The following ITPR2 variants were observed in gnomAD, a reference collection of about 807,000 sequenced individuals.
ITPR2 encodes the protein inositol 1,4,5-trisphosphate receptor type 2.
Under a neutral mutation model 317.1 loss-of-function variants are expected in ITPR2, and 207 were observed. That is an observed-to-expected ratio of 0.65 (90% CI 0.58 to 0.73). The LOEUF (loss-of-function observed/expected upper bound fraction) is 0.73. ITPR2 is among the 30% of genes least tolerant of loss of function. The pLI, the probability that ITPR2 is intolerant of heterozygous loss-of-function variation, is 0.00. For synonymous variants in ITPR2, 1,156 were observed against 1,149.1 expected (o/e 1.01, Z -0.12); for missense variants, 2,613 against 3,284.0 (o/e 0.80, Z 4.99).
chr12:26,644,305 G>C (rs1023346117), intron 21 of ITPR2, among the ~76,000 whole-genome samples: 2 of 152,156 alleles, frequency 1.3e-5, no homozygotes, highest in African/African-American at 2.4e-5. Context: ...GGGGAGTTGA[G>C]TGGGGAGGAG....
At chr12:26,351,934 G>A (rs559696496) in intron 55 of ITPR2, among the ~76,000 whole-genome samples, 5 of 152,008 alleles carry the variant, frequency 3.3e-5, no homozygotes, top group Non-Finnish European at 4.4e-5. Flanking sequence ...TGCAAATCTC[G>A]CTGAGATAGA....
chr12:26,793,842 C>G (rs888959847), intron 1 of ITPR2, among the ~76,000 whole-genome samples: 26 of 152,086 alleles, frequency 1.7e-4, no homozygotes, highest in African/African-American at 6.0e-4. Flanking sequence ...AGAAAATTAT[C>G]AAAAATATCA....
intron 1 of ITPR2, 73 bp downstream of exon 1, chr12:26,832,617 G>T: frequency 1.7e-6 from 2 of 1,168,638 alleles, no homozygotes; most frequent in Non-Finnish European, 2.4e-6. Context: ...AGGACCGGGC[G>T]GCGGAGGAGG....
intron 37 of ITPR2, among the ~76,000 whole-genome samples, chr12:26,529,477 G>A (rs944987176): frequency 6.6e-6 from 1 of 152,192 alleles, no homozygotes; most frequent in African/African-American, 2.4e-5. Flanking sequence ...ACAGGACCCT[G>A]TCAAAGATGC....
intron 2 of ITPR2, among the ~76,000 whole-genome samples, chr12:26,753,464 C>T (rs1592097459): frequency 6.6e-6 from 1 of 152,254 alleles, no homozygotes; most frequent in Admixed American, 6.5e-5. Flanking sequence ...TGGAAAAGAT[C>T]CCTTCATTAC....
chr12:26,699,744 G>T (rs1948412266), intron 9 of ITPR2, among the ~76,000 whole-genome samples: 2 of 152,030 alleles, frequency 1.3e-5, no homozygotes, highest in South Asian at 4.1e-4. Context: ...ACTATTAAAG[G>T]CCAAATAAAT....
chr12:26,350,837 C>T (rs1226070811), intron 55 of ITPR2, among the ~76,000 whole-genome samples: 1 of 152,146 alleles, frequency 6.6e-6, no homozygotes, highest in Non-Finnish European at 1.5e-5. Context: ...TCTTTTGGTC[C>T]CAGACTTCTC....
chr12:26,679,802 G>C (rs1408960229), intron 13 of ITPR2, among the ~76,000 whole-genome samples: 3 of 151,802 alleles, frequency 2.0e-5, no homozygotes, highest in Admixed American at 6.6e-5. Context: ...TACACAACGG[G>C]ATCAACCTCC....
chr12:26,741,549 A>G (rs1475860913), intron 2 of ITPR2, among the ~76,000 whole-genome samples: 27 of 150,280 alleles, frequency 1.8e-4, no homozygotes, highest in South Asian at 4.2e-4. Flanking sequence ...GTTTTGTTTG[A>G]AAAAAAAAAG....
chr12:26,797,588 G>C (rs535199329), intron 1 of ITPR2, among the ~76,000 whole-genome samples: 23 of 151,468 alleles, frequency 1.5e-4, no homozygotes, highest in Admixed American at 5.2e-4. Context: ...TGGGGAAAGA[G>C]AGAAGGTGGG....
At chr12:26,464,199 A>G (rs551127713) in intron 45 of ITPR2, among the ~76,000 whole-genome samples, 1 of 152,272 alleles carries the variant, frequency 6.6e-6, no homozygotes, top group African/African-American at 2.4e-5. Context: ...GGGATGAATC[A>G]ACCACATTAT....
chr12:26,381,840 C>T (rs1324632466), intron 55 of ITPR2, among the ~76,000 whole-genome samples: 2 of 152,234 alleles, frequency 1.3e-5, no homozygotes, highest in Non-Finnish European at 1.5e-5. Context: ...GCTCTCCAGA[C>T]ACGCATGCCG....
chr12:26,446,732 C>CAAAAAA (rs34601956), intron 45 of ITPR2, among the ~76,000 whole-genome samples: 11 of 122,736 alleles, frequency 9.0e-5, no homozygotes, highest in East Asian at 2.4e-4. Context: ...AAAAGGGACT[C>CAAAAAA]AAAAAAAAAA....
chr12:26,617,695 G>A (rs1007949967), intron 26 of ITPR2, among the ~76,000 whole-genome samples: 3 of 135,292 alleles, frequency 2.2e-5, no homozygotes, highest in Non-Finnish European at 4.8e-5. Flanking sequence ...AAGGAGGGAA[G>A]GAAGGAGAGA....
intron 26 of ITPR2, among the ~76,000 whole-genome samples, chr12:26,620,387 T>C (rs1946465029): frequency 6.6e-6 from 1 of 152,170 alleles, no homozygotes; most frequent in Non-Finnish European, 1.5e-5. Context: ...TAACAAAAGC[T>C]AAGGCAGGTA....
At chr12:26,736,567 T>C (rs1015028326) in intron 2 of ITPR2, among the ~76,000 whole-genome samples, 1 of 152,168 alleles carries the variant, frequency 6.6e-6, no homozygotes, top group Non-Finnish European at 1.5e-5. Context: ...TTAACATAAT[T>C]AGAATGCCCT....
intron 26 of ITPR2, among the ~76,000 whole-genome samples, chr12:26,614,643 A>T (rs1163016654): frequency 1.2e-4 from 19 of 152,232 alleles, no homozygotes; most frequent in Admixed American, 7.9e-4. Flanking sequence ...GAGGCATTAA[A>T]CTGCAAAAGG....
chr12:26,354,079 G>A (rs1026787544), intron 55 of ITPR2, among the ~76,000 whole-genome samples: 5 of 152,082 alleles, frequency 3.3e-5, no homozygotes, highest in Non-Finnish European at 5.9e-5. Flanking sequence ...TTCAAGACCA[G>A]CCCGGCCAAC....
At chr12:26,485,543 A>T (rs961780458) in intron 41 of ITPR2, among the ~76,000 whole-genome samples, 22 of 152,244 alleles carry the variant, frequency 1.4e-4, no homozygotes, top group African/African-American at 5.1e-4. Flanking sequence ...ATTCATAGGC[A>T]ATCCTAAGTT....
Sources: allele counts gnomAD v4.1 joint callset (sites outside exome capture counted in the v4.1 genomes callset), GRCh38; gene constraint gnomAD v4.1.1; transcripts MANE v1.5; gene names NCBI Gene and HGNC (gene_info 2026-07-23, HGNC 2026-07-21).